Variants in KCNAB1 observed in about 807,000 individuals in gnomAD.
KCNAB1 encodes the protein potassium voltage-gated channel subfamily A regulatory beta subunit 1.
A neutral mutation model predicts 64.6 loss-of-function variants in KCNAB1; 35 were observed. The ratio of observed to expected loss-of-function variants is 0.54; its 90% CI spans 0.41 to 0.72. The LOEUF (loss-of-function observed/expected upper bound fraction) is 0.72. Among genes scored for constraint, KCNAB1 ranks in the 30% least tolerant of loss-of-function variants. The pLI, the probability that KCNAB1 is intolerant of heterozygous loss-of-function variation, is 0.00. For missense variants in KCNAB1, 401 were observed against 512.9 expected, an observed-to-expected ratio of 0.78 and a Z score of 2.11; for synonymous variants, 177 against 183.8, an observed-to-expected ratio of 0.96 and a Z score of 0.30.
intron 1 of KCNAB1, among the ~76,000 whole-genome samples, chr3:156,303,559 A>T (rs1409378596): frequency 6.6e-6 from 1 of 152,188 alleles, no homozygotes; most frequent in African/African-American, 2.4e-5. Context: ...TAGTCTGGGA[A>T]GCAAAGCATG....
intron 8 of KCNAB1, among the ~76,000 whole-genome samples, chr3:156,491,032 C>G (rs1715593547): frequency 6.6e-6 from 1 of 152,094 alleles, no homozygotes; most frequent in South Asian, 2.1e-4. Flanking sequence ...CACCATGAAG[C>G]AGGCCTTCAA....
At chr3:156,504,751 GT>G (rs71302274) in intron 8 of KCNAB1, among the ~76,000 whole-genome samples, 263 of 132,730 alleles carry the variant, frequency 2.0e-3, no homozygotes, top group African/African-American at 4.4e-3. Flanking sequence ...TGTTTTTTTT[GT>G]TTTTTTTTTT....
intron 1 of KCNAB1, among the ~76,000 whole-genome samples, chr3:156,298,832 C>G (rs904526026): frequency 2.0e-5 from 3 of 152,190 alleles, no homozygotes; most frequent in African/African-American, 7.2e-5. Context: ...GCAAGTTAAT[C>G]ATATTGTATG....
At chr3:156,427,710 T>C (rs1008609040) in intron 2 of KCNAB1, among the ~76,000 whole-genome samples, 29 of 152,144 alleles carry the variant, frequency 1.9e-4, no homozygotes, top group African/African-American at 5.1e-4. Context: ...GGAGTGGAGA[T>C]AGAGAGAGGC....
chr3:156,526,016 C>T (rs770114816), intron 12 of KCNAB1, among the ~76,000 whole-genome samples: 2 of 152,142 alleles, frequency 1.3e-5, no homozygotes, highest in African/African-American at 2.4e-5. Flanking sequence ...CCCAAAGCAC[C>T]TCCCAGTCCT....
intron 2 of KCNAB1, among the ~76,000 whole-genome samples, chr3:156,436,526 C>G (rs1716595094): frequency 1.3e-5 from 2 of 152,334 alleles, no homozygotes; most frequent in African/African-American, 4.8e-5. Context: ...AATTTGCATT[C>G]CCACCAACAG....
intron 1 of KCNAB1, among the ~76,000 whole-genome samples, chr3:156,353,480 T>A (rs1378307142): frequency 1.3e-5 from 2 of 152,212 alleles, no homozygotes; most frequent in African/African-American, 4.8e-5. Context: ...CACTTCAAAA[T>A]TTAGCAGTTT....
At chr3:156,128,955 A>G (rs1425649756) in intron 1 of KCNAB1, among the ~76,000 whole-genome samples, 1 of 152,196 alleles carries the variant, frequency 6.6e-6, no homozygotes, top group Non-Finnish European at 1.5e-5. Context: ...TCTGACAAAA[A>G]TCCTCAAGGT....
chr3:156,421,729 C>T (rs1347470021), intron 2 of KCNAB1, 70 bp downstream of exon 2: 5 of 1,429,262 alleles, frequency 3.5e-6, no homozygotes, highest in Non-Finnish European at 3.9e-6. Context: ...CAGGGAGTGA[C>T]TGTGGTCTAG....
intron 1 of KCNAB1, among the ~76,000 whole-genome samples, chr3:156,196,101 G>A (rs1389734166): frequency 1.3e-5 from 2 of 152,128 alleles, no homozygotes; most frequent in Admixed American, 1.3e-4. Flanking sequence ...GATTGTAGAT[G>A]TGTGGTGTAA....
chr3:156,445,701 ATTAAAC>A (rs1199432441), intron 2 of KCNAB1, among the ~76,000 whole-genome samples: 2 of 152,218 alleles, frequency 1.3e-5, no homozygotes, highest in Non-Finnish European at 1.5e-5. Flanking sequence ...TAAAATTTAA[ATTAAAC>A]TTAAACTTAG....
chr3:156,495,204 AT>A (rs1715927098), intron 8 of KCNAB1, among the ~76,000 whole-genome samples: 1 of 152,136 alleles, frequency 6.6e-6, no homozygotes, highest in Admixed American at 6.6e-5. Context: ...ACATGATCTC[AT>A]TCCTTTTTGT....
intron 1 of KCNAB1, among the ~76,000 whole-genome samples, chr3:156,203,251 A>G (rs1408037818): frequency 1.3e-5 from 2 of 152,242 alleles, no homozygotes; most frequent in East Asian, 1.9e-4. Context: ...TAGAGATTGT[A>G]TGGTACACAA....
At chr3:156,130,780 C>T (rs367830449) in intron 1 of KCNAB1, among the ~76,000 whole-genome samples, 1 of 152,220 alleles carries the variant, frequency 6.6e-6, no homozygotes, top group Non-Finnish European at 1.5e-5. Context: ...CATGTCTTCC[C>T]CTCCCATTTG....
chr3:156,286,944 G>A (rs2108512146), intron 1 of KCNAB1, among the ~76,000 whole-genome samples: 1 of 152,214 alleles, frequency 6.6e-6, no homozygotes, highest in South Asian at 2.1e-4. Flanking sequence ...TGTAGAATGG[G>A]GTTGATAATG....
At chr3:156,177,096 A>T (rs571522828) in intron 1 of KCNAB1, among the ~76,000 whole-genome samples, 1 of 152,162 alleles carries the variant, frequency 6.6e-6, no homozygotes, top group African/African-American at 2.4e-5. Context: ...GATGATGTCA[A>T]CTTTATTGTA....
intron 8 of KCNAB1, among the ~76,000 whole-genome samples, chr3:156,489,752 T>C (rs1224834453): frequency 1.3e-5 from 2 of 152,006 alleles, no homozygotes; most frequent in Non-Finnish European, 2.9e-5. Flanking sequence ...GACCAATATG[T>C]ATGAAAATGG....
intron 1 of KCNAB1, among the ~76,000 whole-genome samples, chr3:156,341,803 ATTATCT>A (rs1440188266): frequency 2.0e-5 from 3 of 152,196 alleles, no homozygotes; most frequent in Non-Finnish European, 4.4e-5. Context: ...CAAAATAATA[ATTATCT>A]TTATATATGA....
At chr3:156,533,727 C>G (rs1012072026) in intron 13 of KCNAB1, among the ~76,000 whole-genome samples, 1 of 152,028 alleles carries the variant, frequency 6.6e-6, no homozygotes, top group Admixed American at 6.6e-5. Context: ...TGGATGGATT[C>G]TGCAGGTTTG....
Sources: gnomAD v4.1 joint callset for allele counts (sites outside exome capture counted in the v4.1 genomes callset) on GRCh38, gnomAD v4.1.1 for gene constraint, MANE v1.5 for transcripts, NCBI Gene and HGNC (gene_info 2026-07-23, HGNC 2026-07-21) for gene names.